Variants in KIRREL3 observed in about 807,000 individuals in gnomAD.
KIRREL3 encodes the protein kin of IRRE-like protein 3.
A neutral mutation model predicts 89.7 loss-of-function variants in KIRREL3; 36 were observed. That is an observed-to-expected ratio of 0.40 (90% CI 0.31 to 0.53). The LOEUF (loss-of-function observed/expected upper bound fraction) is 0.53. KIRREL3 is among the 20% of genes least tolerant of loss of function. KIRREL3 has a pLI of 0.49. For missense variants in KIRREL3, 864 were observed against 1,056.6 expected, an observed-to-expected ratio of 0.82 and a Z score of 2.53; for synonymous variants, 445 against 441.4, an observed-to-expected ratio of 1.01 and a Z score of -0.10.
At position 126,768,166 on chromosome 11, in the gene KIRREL3, ATCCAATCCATCCATCC is replaced by A. The variant is rs1296985231; in HGVS notation, c.56-205270_56-205255del. On this transcript the variant is annotated intron_variant, in intron 1 of 16. Transcript: ENST00000525144. This position sits in a 1 kb window ranked among gnomAD's most constrained non-coding sequence, Gnocchi z 4.5. The stretch of plus-strand genomic sequence containing the variant: ...CATCCATCCATCCATCCATCCATCC[ATCCAATCCATCCATCC>A]ATCCATCCATCCATCCATCCATCCA... Among the ~76,000 whole-genome samples, 1,124 of 128,054 alleles carry A rather than the reference ATCCAATCCATCCATCC, an allele frequency of 8.8e-3. 5 individuals are homozygous for A. The highest frequency in any genetic ancestry group is 0.016 in the East Asian group (60 of 3,692). The allele number at this position is 128,054 out of a possible 152,430, so 84.0% of individuals were successfully genotyped here.
intron 1 of KIRREL3, among the ~76,000 whole-genome samples, chr11:126,910,539 G>A (rs963663322): frequency 6.6e-6 from 1 of 152,138 alleles, no homozygotes; most frequent in Non-Finnish European, 1.5e-5. Flanking sequence ...AGCTTACTAA[G>A]GTCCAGGCTC....
Position 126,562,743 on chromosome 11 carries a change from G to T in KIRREL3, c.133+92C>A. On this transcript the variant is annotated intron_variant, in intron 2 of 16. Transcript: ENST00000525144. This position sits in a 1 kb window ranked among gnomAD's most constrained non-coding sequence, Gnocchi z 4.7. ...ACTGTCCCCTTCTGAGAGGTCCCAG[G>T]TTCTTATTCCTGGTTCCTCTGTCCT... 9.2e-7 allele frequency: 1 copy of T among 1,086,030 alleles called. No individual in the cohort carries two copies. The highest frequency in any genetic ancestry group is 1.4e-5 in the South Asian group (1 of 72,462). 67.3% of individuals were successfully genotyped at this position (1,086,030 alleles called of 1,614,324 possible). A position where few individuals can be genotyped will look rare whatever the true frequency, so the allele number is the denominator to read the frequency against.
At chr11:126,838,881 A>G (rs1943865064) in intron 1 of KIRREL3, among the ~76,000 whole-genome samples, 1 of 152,200 alleles carries the variant, frequency 6.6e-6, no homozygotes, top group Non-Finnish European at 1.5e-5. Flanking sequence ...AAAGTCTCCA[A>G]ACAAATTCCC....
In KIRREL3 at chr11:126,789,371, A is replaced by G. The variant is rs372810704; in HGVS notation, c.55+211084T>C. On this transcript the variant is annotated intron_variant, in intron 1 of 16. Transcript: ENST00000525144. ...CTTCCTTCCCTGGACCATTCCCACA[A>G]AGCAGAAAGTGAGCAAACCCATATT... Among the ~76,000 whole-genome samples the G allele has an allele frequency of 8.2e-4, 124 of 152,112 alleles. 1 individual carries two copies. In the South Asian group the frequency reaches 0.025, roughly 30 times the overall value.
At chr11:126,757,033 C>T (rs1949526389) in intron 1 of KIRREL3, among the ~76,000 whole-genome samples, 1 of 152,160 alleles carries the variant, frequency 6.6e-6, no homozygotes. Context: ...ATGTTACACA[C>T]ATCATTTCTG....
chr11:126,957,735 G>C (rs904176796), intron 1 of KIRREL3, among the ~76,000 whole-genome samples: 1 of 152,200 alleles, frequency 6.6e-6, no homozygotes. Flanking sequence ...GAGCTCTAAG[G>C]TCAGGTCACC....
rs1956291940 is a variant in KIRREL3 at position 126,455,033 on chromosome 11, G to A, written c.848+1316C>T. On this transcript the variant is annotated intron_variant, in intron 7 of 16. Coordinates refer to ENST00000525144, the MANE Select transcript of KIRREL3 (RefSeq NM_032531.4). This position sits in a 1 kb window ranked among gnomAD's most constrained non-coding sequence, Gnocchi z 6.4. ...GCCCATTTCCTTCCATTCTGCCCAC[G>A]GGGGCCACACTGGCTCTTGTCTTCC... Among the ~76,000 whole-genome samples the A allele has an allele frequency of 1.3e-5, 2 of 152,174 alleles. No homozygotes were observed. Among genetic ancestry groups the A allele is most frequent in the African/African-American group, 4.8e-5 (2 of 41,432 alleles).
At chr11:126,863,489 G>C (rs1458486095) in intron 1 of KIRREL3, among the ~76,000 whole-genome samples, 2 of 50,668 alleles carry the variant, frequency 3.9e-5, no homozygotes, top group Admixed American at 2.4e-4. Context: ...GTGTGTGAGT[G>C]CGTGTGTGAG....
Position 126,495,373 on chromosome 11 carries a change from G to A in KIRREL3, c.434-21907C>T, listed in dbSNP as rs1185069916. 1.3e-5 allele frequency among the ~76,000 whole-genome samples: 2 copies of A among 152,036 alleles called. No homozygotes were observed. Among genetic ancestry groups the A allele is most frequent in the Admixed American group, 6.6e-5 (1 of 15,264 alleles). ...CCTCTACATGAACCTCCCTCTCTGC[G>A]CCCTACCTCCAGCACCCTCTGACCT... On this transcript the variant is annotated intron_variant, in intron 4 of 16. Transcript: ENST00000525144. The surrounding 1 kb of genome is among the most constrained non-coding windows in gnomAD (Gnocchi z 6.5).
chr11:126,456,039 GTT>G (rs745805898), intron 7 of KIRREL3, among the ~76,000 whole-genome samples: 3,442 of 68,278 alleles, frequency 0.05, 108 homozygotes, highest in African/African-American at 0.1. Flanking sequence ...TTTTGTTTTC[GTT>G]TTTTTTTTTT....
At chr11:126,853,966 A>T (rs1189441469) in intron 1 of KIRREL3, among the ~76,000 whole-genome samples, 1 of 152,198 alleles carries the variant, frequency 6.6e-6, no homozygotes, top group Non-Finnish European at 1.5e-5. Context: ...AACCCTTTGC[A>T]TCAACAAGTA....
chr11:126,641,297 A>C lies in KIRREL3; in HGVS notation c.56-78385T>G, dbSNP rs1248667583. Among the ~76,000 whole-genome samples the C allele has an allele frequency of 6.6e-6, 1 of 151,704 alleles. No homozygotes were observed. The highest frequency in any genetic ancestry group is 1.5e-5 in the Non-Finnish European group (1 of 67,978). Reference sequence around the variant, plus strand: ...CTACTTTCTTGGCCCGAGCCTCATCACTTGTTGCTCAGATGGTTGTTACAG... The same window carrying C: ...CTACTTTCTTGGCCCGAGCCTCATCCCTTGTTGCTCAGATGGTTGTTACAG... On this transcript the variant is annotated intron_variant, in intron 1 of 16. Coordinates refer to ENST00000525144, the MANE Select transcript of KIRREL3 (RefSeq NM_032531.4). The surrounding 1 kb of genome is among the most constrained non-coding windows in gnomAD (Gnocchi z 5.0).
In KIRREL3 at chr11:126,575,148, C is replaced by G. The variant is rs921182227; in HGVS notation, c.56-12236G>C. Among the ~76,000 whole-genome samples the G allele has an allele frequency of 1.3e-5, 2 of 152,028 alleles. No homozygotes were observed. Among genetic ancestry groups the G allele is most frequent in the African/African-American group, 4.8e-5 (2 of 41,362 alleles). Reference sequence around the variant, plus strand: ...CTGGCCAGAGGACACAGTGAGGGAGCCTGGTTTAAAAAAAAGAGGCTTAAG... The same window carrying G: ...CTGGCCAGAGGACACAGTGAGGGAGGCTGGTTTAAAAAAAAGAGGCTTAAG... On this transcript the variant is annotated intron_variant, in intron 1 of 16. Coordinates refer to ENST00000525144, the MANE Select transcript of KIRREL3 (RefSeq NM_032531.4). The surrounding 1 kb of genome is among the most constrained non-coding windows in gnomAD (Gnocchi z 7.0).
intron 1 of KIRREL3, among the ~76,000 whole-genome samples, chr11:126,702,736 C>G (rs561734200): frequency 1.5e-4 from 23 of 152,316 alleles, no homozygotes; most frequent in South Asian, 1.2e-3. Context: ...TGGTGCACCC[C>G]GCTGTATCTC....
chr11:126,848,307 A>G (rs1467559636), intron 1 of KIRREL3, among the ~76,000 whole-genome samples: 1 of 152,272 alleles, frequency 6.6e-6, no homozygotes, highest in Non-Finnish European at 1.5e-5. Context: ...AGGCCAAGTA[A>G]AATCAAGTAA....
chr11:126,556,784 G>A (rs934657261), intron 2 of KIRREL3, among the ~76,000 whole-genome samples: 57 of 152,084 alleles, frequency 3.7e-4, no homozygotes, highest in African/African-American at 1.1e-3. Context: ...GCTGGAGAGT[G>A]GAAACGGCAG....
Sources: gnomAD v4.1 joint callset for allele counts (sites outside exome capture counted in the v4.1 genomes callset) on GRCh38, gnomAD v4.1.1 for gene constraint, Gnocchi (gnomAD v3.1) non-coding constraint, MANE v1.5 for transcripts, NCBI Gene and HGNC (gene_info 2026-07-23, HGNC 2026-07-21) for gene names.